The following NUBPL variants were observed in gnomAD, a reference collection of about 807,000 sequenced individuals.
NUBPL encodes the protein iron-sulfur cluster transfer protein NUBPL.
A neutral mutation model predicts 45.7 loss-of-function variants in NUBPL; 31 were observed. That is an observed-to-expected ratio of 0.68 (90% CI 0.51 to 0.92). The LOEUF (loss-of-function observed/expected upper bound fraction) is 0.92. Among genes scored for constraint, NUBPL ranks in the 40% least tolerant of loss-of-function variants. NUBPL has a pLI of 0.00. For missense variants in NUBPL, 401 were observed against 398.7 expected, an observed-to-expected ratio of 1.01 and a Z score of -0.05; for synonymous variants, 144 against 140.9, an observed-to-expected ratio of 1.02 and a Z score of -0.15.
At chr14:31,673,296 CA>C in intron 4 of NUBPL, 58 bp from the exon 5 acceptor site, 1 of 1,425,514 alleles carries the variant, frequency 7.0e-7, no homozygotes, top group Admixed American at 2.2e-5. Context: ...AAACCCAATT[CA>C]GAATGTTTAT....
intron 3 of NUBPL, among the ~76,000 whole-genome samples, chr14:31,574,978 T>C (rs1431525664): frequency 6.6e-6 from 1 of 152,228 alleles, no homozygotes; most frequent in African/African-American, 2.4e-5. Context: ...GACTTAAAGA[T>C]GGGAAAGAAA....
chr14:31,663,139 A>G (rs1162924071), intron 4 of NUBPL, among the ~76,000 whole-genome samples: 2 of 151,874 alleles, frequency 1.3e-5, no homozygotes, highest in Non-Finnish European at 2.9e-5. Flanking sequence ...TGTTTATTAG[A>G]CCTTTGTCAG....
intron 4 of NUBPL, among the ~76,000 whole-genome samples, chr14:31,627,342 G>A (rs2035230653): frequency 6.6e-6 from 1 of 151,990 alleles, no homozygotes; most frequent in African/African-American, 2.4e-5. Flanking sequence ...TATTTGCTCA[G>A]GAAAAATTAG....
chr14:31,584,217 C>T (rs752219913), intron 3 of NUBPL, among the ~76,000 whole-genome samples: 1 of 151,970 alleles, frequency 6.6e-6, no homozygotes, highest in Non-Finnish European at 1.5e-5. Flanking sequence ...TTCTGCCTCC[C>T]GGGCTCAAGC....
chr14:31,576,492 C>T (rs747690508), intron 3 of NUBPL, among the ~76,000 whole-genome samples: 7 of 152,164 alleles, frequency 4.6e-5, no homozygotes, highest in Non-Finnish European at 7.3e-5. Context: ...AACTCTTGGG[C>T]TTAAGTCGTC....
intron 4 of NUBPL, among the ~76,000 whole-genome samples, chr14:31,642,119 C>T (rs1373442422): frequency 2.0e-5 from 3 of 152,108 alleles, no homozygotes; most frequent in Non-Finnish European, 2.9e-5. Flanking sequence ...TATTTTCTCT[C>T]ATTCTGTGGG....
intron 3 of NUBPL, among the ~76,000 whole-genome samples, chr14:31,597,410 A>G (rs2034313200): frequency 6.6e-6 from 1 of 152,202 alleles, no homozygotes; most frequent in Admixed American, 6.5e-5. Context: ...TTATGCCAAG[A>G]GTTCATCTTT....
At chr14:31,817,463 G>C (rs2039941152) in intron 7 of NUBPL, among the ~76,000 whole-genome samples, 1 of 152,152 alleles carries the variant, frequency 6.6e-6, no homozygotes, top group Non-Finnish European at 1.5e-5. Context: ...AAGCCCATCA[G>C]ACTAACAGAA....
intron 10 of NUBPL, among the ~76,000 whole-genome samples, chr14:31,857,974 G>A (rs529039824): frequency 3.9e-5 from 6 of 152,258 alleles, no homozygotes; most frequent in Middle Eastern, 6.8e-3. Flanking sequence ...CCAACTTACC[G>A]TAATAGTTTG....
At chr14:31,690,876 G>A (rs1484125778) in intron 6 of NUBPL, among the ~76,000 whole-genome samples, 8 of 152,176 alleles carry the variant, frequency 5.3e-5, no homozygotes, top group African/African-American at 1.4e-4. Flanking sequence ...AGTGCCAGAC[G>A]ATGAGGAAGA....
At position 31,561,532 on chromosome 14, in the gene NUBPL, G is replaced by A; in HGVS notation, c.93G>A (p.Met31Ile). 7.2e-7 allele frequency: 1 copy of A among 1,382,070 alleles called. No homozygotes were observed. Among genetic ancestry groups the A allele is most frequent in the Non-Finnish European group, 9.4e-7 (1 of 1,060,406 alleles). The allele number at this position is 1,382,070 out of a possible 1,614,324, so 85.6% of individuals were successfully genotyped here. A position where few individuals can be genotyped will look rare whatever the true frequency, so the allele number is the denominator to read the frequency against. ...CCCCGCTTGGGGGAAGCCGAGCGAT[G>A]GTTTGTGGGCGCCAGGTCCGTGGTG... ...ATAPLGGSRAMVCGRQLSGAG... is the reference protein window; with the variant it reads ...ATAPLGGSRAIVCGRQLSGAG... The change falls in exon 1 of 11, where the codon ATG (methionine) becomes ATA (isoleucine). Residue 31 changes from methionine (M) to isoleucine (I), a missense_variant. Met to Ile is a conservative substitution (Grantham distance 10). Coordinates refer to ENST00000281081, the MANE Select transcript of NUBPL (RefSeq NM_025152.3).
intron 7 of NUBPL, among the ~76,000 whole-genome samples, chr14:31,825,465 C>T (rs1348609193): frequency 6.6e-6 from 1 of 151,948 alleles, no homozygotes; most frequent in Non-Finnish European, 1.5e-5. Context: ...CTTCCTCCTC[C>T]TCCTCTTCTT....
At chr14:31,705,305 G>T (rs1265911234) in intron 6 of NUBPL, among the ~76,000 whole-genome samples, 1 of 152,220 alleles carries the variant, frequency 6.6e-6, no homozygotes. Flanking sequence ...AAGATTTATT[G>T]TGAAGAGTGA....
At chr14:31,571,264 T>G (rs954827969) in intron 3 of NUBPL, among the ~76,000 whole-genome samples, 2 of 151,836 alleles carry the variant, frequency 1.3e-5, no homozygotes, top group South Asian at 4.1e-4. Context: ...TGAGTGATGA[T>G]AGAAATTCAG....
chr14:31,772,695 G>A (rs563698720), intron 6 of NUBPL, among the ~76,000 whole-genome samples: 36 of 152,208 alleles, frequency 2.4e-4, no homozygotes, highest in Middle Eastern at 3.4e-3. Flanking sequence ...TCTTCAGATC[G>A]TCAGGGCCAG....
intron 7 of NUBPL, among the ~76,000 whole-genome samples, chr14:31,818,344 C>A (rs1323013375): frequency 6.6e-6 from 1 of 152,192 alleles, no homozygotes; most frequent in Non-Finnish European, 1.5e-5. Context: ...CCCAAATCAA[C>A]AGAATATACG....
chr14:31,654,488 A>C (rs566302876), intron 4 of NUBPL, among the ~76,000 whole-genome samples: 160 of 150,840 alleles, frequency 1.1e-3, no homozygotes, highest in Admixed American at 2.6e-3. Context: ...AGCTCACTGC[A>C]AGCTCCGCCT....
chr14:31,698,517 C>T (rs897300804), intron 6 of NUBPL, among the ~76,000 whole-genome samples: 1 of 152,098 alleles, frequency 6.6e-6, no homozygotes, highest in African/African-American at 2.4e-5. Flanking sequence ...GCATAACTCT[C>T]ATGTCAGTAA....
intron 6 of NUBPL, among the ~76,000 whole-genome samples, chr14:31,683,264 T>C (rs187434898): frequency 9.9e-5 from 15 of 151,944 alleles, no homozygotes; most frequent in Admixed American, 3.3e-4. Context: ...TTTATTGTGA[T>C]ATATTTTAAC....
Sources: gnomAD v4.1 joint callset for allele counts (sites outside exome capture counted in the v4.1 genomes callset) on GRCh38, gnomAD v4.1.1 for gene constraint, MANE v1.5 for transcripts, NCBI Gene and HGNC (gene_info 2026-07-23, HGNC 2026-07-21) for gene names.